FER1L6: variants seen among roughly 807,000 people sequenced by gnomAD.
FER1L6 encodes fer-1 like family member 6.
FER1L6 carries 177 observed loss-of-function variants against 219.2 expected under a neutral mutation model. That is an observed-to-expected ratio of 0.81 (90% confidence interval 0.71 to 0.91). FER1L6 has a LOEUF of 0.91. FER1L6 is among the 40% of genes least tolerant of loss of function. The pLI, the probability that FER1L6 is intolerant of heterozygous loss-of-function variation, is 0.00. For synonymous variants in FER1L6, 768 were observed against 824.3 expected, an observed-to-expected ratio of 0.93 and a Z score of 1.17; for missense variants, 2,153 against 2,259.9, an observed-to-expected ratio of 0.95 and a Z score of 0.96.
At chr8:123,885,150 A>G (rs1817178283) in intron 1 of FER1L6, among the ~76,000 whole-genome samples, 1 of 152,198 alleles carries the variant, frequency 6.6e-6, no homozygotes, top group South Asian at 2.1e-4. Context: ...CCTTCAGAGG[A>G]AACACAGCCC....
At position 124,091,418 on chromosome 8, in the gene FER1L6, T is replaced by C; in HGVS notation, c.4392-5T>C. The C allele has an allele frequency of 6.2e-7, 1 of 1,613,216 alleles. No homozygotes were observed. The highest frequency in any genetic ancestry group is 8.5e-7 in the Non-Finnish European group (1 of 1,179,386). Reference sequence around the variant, plus strand: ...CTCAAAGTGTGTTCTCCCTCCACTTTTCAGAGAAGGATACAATGCCTGGAG... The same window carrying C: ...CTCAAAGTGTGTTCTCCCTCCACTTCTCAGAGAAGGATACAATGCCTGGAG... On this transcript the variant is annotated splice_region_variant and splice_polypyrimidine_tract_variant and intron_variant, in intron 33 of 40. Transcript: ENST00000522917.
Position 124,118,934 on chromosome 8 carries a change from G to A in FER1L6, c.5380G>A (p.Ala1794Thr). 1 of 1,613,000 alleles carries A rather than the reference G, an allele frequency of 6.2e-7. No homozygotes were observed. The highest frequency in any genetic ancestry group is 8.5e-7 in the Non-Finnish European group (1 of 1,179,750). Reference protein sequence around the residue: ...GKARKEPEPLAKPNRPDTSFS... With the variant: ...GKARKEPEPLTKPNRPDTSFS... ...AGCCCGAAAGGAGCCAGAGCCCCTG[G>A]CCAAGCCCAAGTGAGTGGAGTTGCT... Residue 1794 changes from alanine (A) to threonine (T), a missense_variant, in exon 40 of 41, where the codon GCC (alanine) becomes ACC (threonine). By Grantham distance (58) the Ala-to-Thr change is moderately conservative. Transcript: ENST00000522917.
intron 5 of FER1L6, among the ~76,000 whole-genome samples, chr8:123,967,505 C>T (rs1410047086): frequency 6.6e-6 from 1 of 152,172 alleles, no homozygotes; most frequent in African/African-American, 2.4e-5. Flanking sequence ...AATAGTATAA[C>T]TGGGTCACAA....
intron 34 of FER1L6, 45 bp from the exon 35 acceptor site, chr8:124,094,851 C>T (rs772325452): frequency 3.5e-5 from 56 of 1,608,562 alleles, no homozygotes; most frequent in Non-Finnish European, 7.7e-6. Flanking sequence ...TCACTGTCTC[C>T]TTGCAGGAAC....
chr8:123,969,482 T>C (rs2130245987), intron 5 of FER1L6, among the ~76,000 whole-genome samples: 1 of 152,308 alleles, frequency 6.6e-6, no homozygotes, highest in Non-Finnish European at 1.5e-5. Context: ...GAGATGGCTA[T>C]TTTCATGTTG....
chr8:123,916,187 GTCT>G (rs1182313375), intron 1 of FER1L6, among the ~76,000 whole-genome samples: 1 of 152,186 alleles, frequency 6.6e-6, no homozygotes, highest in African/African-American at 2.4e-5. Context: ...AAGCGCTCCT[GTCT>G]TCTTGGAGCT....
intron 20 of FER1L6, among the ~76,000 whole-genome samples, chr8:124,041,055 G>A (rs1315720580): frequency 2.6e-5 from 4 of 152,180 alleles, no homozygotes; most frequent in Admixed American, 1.3e-4. Flanking sequence ...TAGGATGCTT[G>A]TCTCATTAGA....
intron 18 of FER1L6, among the ~76,000 whole-genome samples, chr8:124,027,076 T>C (rs1033449425): frequency 2.0e-5 from 3 of 152,196 alleles, no homozygotes; most frequent in East Asian, 3.9e-4. Context: ...TCCCTTCATA[T>C]GATATTATTT....
intron 2 of FER1L6, among the ~76,000 whole-genome samples, chr8:123,959,589 G>A (rs1363985688): frequency 1.3e-5 from 2 of 152,232 alleles, no homozygotes; most frequent in African/African-American, 4.8e-5. Context: ...AGGTGCATGA[G>A]CTCCCTGAAC....
At position 124,064,454 on chromosome 8, in the gene FER1L6, G is replaced by T; in HGVS notation, c.3436G>T (p.Val1146Leu). 1.2e-6 allele frequency: 2 copies of T among 1,614,032 alleles called. No individual in the cohort carries two copies. Among genetic ancestry groups the T allele is most frequent in the Non-Finnish European group, 8.5e-7 (1 of 1,179,982 alleles). ...YVDVEPPPTV[V>L]PDSAQAQPAI... ...GGATGTTGAGCCACCTCCCACAGTG[G>T]TGCCCGACTCTGCCCAGGCCCAGCC... Residue 1146 changes from valine to leucine, a missense_variant, in exon 26 of 41, where the codon GTG (valine) becomes TTG (leucine). By Grantham distance (32) the Val-to-Leu change is conservative. Transcript: ENST00000522917.
chr8:124,103,888 T>C (rs1022693189), intron 39 of FER1L6, among the ~76,000 whole-genome samples: 3 of 152,220 alleles, frequency 2.0e-5, no homozygotes, highest in East Asian at 1.9e-4. Context: ...CTGAGACTGA[T>C]AGCAGGGTCT....
At chr8:124,074,650 T>TA (rs58971221) in intron 31 of FER1L6, among the ~76,000 whole-genome samples, 2,141 of 114,270 alleles carry the variant, frequency 0.019, 37 homozygotes, top group African/African-American at 0.051. Context: ...AGATACTGTC[T>TA]AAAAAAAAAA....
chr8:124,028,259 A>G (rs965738071), intron 18 of FER1L6, among the ~76,000 whole-genome samples: 1 of 152,166 alleles, frequency 6.6e-6, no homozygotes, highest in Non-Finnish European at 1.5e-5. Context: ...TGCCATTGGA[A>G]TTGCTCTGGG....
chr8:124,078,894 A>G (rs994301368), intron 32 of FER1L6, among the ~76,000 whole-genome samples: 1 of 152,172 alleles, frequency 6.6e-6, no homozygotes, highest in Non-Finnish European at 1.5e-5. Flanking sequence ...TGGGTGGCCG[A>G]AACAACAGAA....
intron 1 of FER1L6, among the ~76,000 whole-genome samples, chr8:123,858,831 A>G (rs933043802): frequency 3.3e-5 from 5 of 152,194 alleles, no homozygotes; most frequent in African/African-American, 9.6e-5. Flanking sequence ...TCTGGAAGGG[A>G]TGGTAGAGGT....
At chr8:124,050,482 G>A (rs1327258817) in intron 22 of FER1L6, among the ~76,000 whole-genome samples, 1 of 151,926 alleles carries the variant, frequency 6.6e-6, no homozygotes, top group African/African-American at 2.4e-5. Flanking sequence ...AAAGAAGTGA[G>A]TAGGTTGAGG....
At chr8:124,108,432 G>A (rs77619736) in intron 39 of FER1L6, among the ~76,000 whole-genome samples, 13 of 152,118 alleles carry the variant, frequency 8.5e-5, no homozygotes, top group East Asian at 1.9e-4. Flanking sequence ...TCAGATTTTC[G>A]CTTGAGCCAT....
intron 32 of FER1L6, among the ~76,000 whole-genome samples, chr8:124,078,841 GAC>G (rs1158051089): frequency 5.9e-5 from 9 of 152,178 alleles, no homozygotes; most frequent in Admixed American, 5.9e-4. Context: ...GCAGAGGAGA[GAC>G]AGAGAATTTC....
At chr8:123,871,921 A>G (rs958575162) in intron 1 of FER1L6, among the ~76,000 whole-genome samples, 5 of 152,180 alleles carry the variant, frequency 3.3e-5, no homozygotes, top group Non-Finnish European at 5.9e-5. Flanking sequence ...TGAAACCTAT[A>G]TGTATTAGGC....
Sources: gnomAD v4.1 joint callset for allele counts (sites outside exome capture counted in the v4.1 genomes callset) on GRCh38, gnomAD v4.1.1 for gene constraint, MANE v1.5 for transcripts, NCBI Gene and HGNC (gene_info 2026-07-23, HGNC 2026-07-21) for gene names.